Variants in CADM1 observed in about 807,000 individuals in gnomAD.
CADM1 encodes the protein TSLC-1.
A neutral mutation model predicts 53.1 loss-of-function variants in CADM1; 15 were observed. The ratio of observed to expected loss-of-function variants is 0.28; its 90% CI spans 0.19 to 0.44. CADM1 has a LOEUF of 0.44. Ranked by LOEUF, CADM1 falls within the 20% of genes least tolerant of loss-of-function variation. The probability of loss-of-function intolerance (pLI) is 1.00; values close to 1 mark genes in which losing one functional copy is unlikely to be tolerated. For synonymous variants in CADM1, 281 were observed against 243.0 expected, an observed-to-expected ratio of 1.16 and a Z score of -1.45; for missense variants, 434 against 611.3, an observed-to-expected ratio of 0.71 and a Z score of 3.06.
intron 1 of CADM1, among the ~76,000 whole-genome samples, chr11:115,376,081 G>T (rs932461594): frequency 1.3e-5 from 2 of 152,068 alleles, no homozygotes; most frequent in African/African-American, 4.8e-5. Flanking sequence ...AAGCCATGTT[G>T]CTTGGTGGTC....
chr11:115,441,860 C>CA (rs1179163217), intron 1 of CADM1, among the ~76,000 whole-genome samples: 1 of 151,910 alleles, frequency 6.6e-6, no homozygotes. Context: ...ATAGGAAAAA[C>CA]AAACAAGCAA....
chr11:115,462,965 T>C (rs1467140900), intron 1 of CADM1, among the ~76,000 whole-genome samples: 2 of 152,094 alleles, frequency 1.3e-5, no homozygotes, highest in African/African-American at 2.4e-5. Context: ...GGGAAGGGGA[T>C]GGTGACTGGG....
intron 10 of CADM1, 126 bp from the exon 11 acceptor site, chr11:115,178,901 G>A (rs566193769): frequency 5.3e-4 from 536 of 1,014,002 alleles, no homozygotes; most frequent in East Asian, 1.4e-3. Flanking sequence ...GAGAACAATC[G>A]AGATGGATCA....
At chr11:115,425,777 T>C (rs1295283379) in intron 1 of CADM1, among the ~76,000 whole-genome samples, 2 of 152,186 alleles carry the variant, frequency 1.3e-5, no homozygotes, top group African/African-American at 4.8e-5. Context: ...AAAGACAAAG[T>C]AAACCCTCTC....
intron 5 of CADM1, among the ~76,000 whole-genome samples, chr11:115,218,656 A>G (rs1193782481): frequency 1.3e-5 from 2 of 152,220 alleles, no homozygotes; most frequent in Admixed American, 6.5e-5. Flanking sequence ...GAAGTAGCTC[A>G]TCCAAGATCA....
chr11:115,501,058 TCCC>T (rs947918350), intron 1 of CADM1, among the ~76,000 whole-genome samples: 19 of 152,118 alleles, frequency 1.2e-4, no homozygotes, highest in Non-Finnish European at 2.9e-5. Flanking sequence ...GCTCTTTTAT[TCCC>T]CCCCTTTTTC....
At chr11:115,414,904 G>A (rs1042205720) in intron 1 of CADM1, among the ~76,000 whole-genome samples, 1 of 152,160 alleles carries the variant, frequency 6.6e-6, no homozygotes. Flanking sequence ...TCTATTTACT[G>A]TGAAATTCCG....
intron 1 of CADM1, among the ~76,000 whole-genome samples, chr11:115,301,860 G>A (rs1355506292): frequency 6.6e-6 from 1 of 152,076 alleles, no homozygotes; most frequent in Non-Finnish European, 1.5e-5. Flanking sequence ...GCTTATCACA[G>A]ATCATGAGGA....
At chr11:115,421,901 G>A (rs889460916) in intron 1 of CADM1, among the ~76,000 whole-genome samples, 3 of 152,080 alleles carry the variant, frequency 2.0e-5, no homozygotes, top group Non-Finnish European at 2.9e-5. Context: ...TAAATATTTC[G>A]GTACGATGAT....
chr11:115,214,537 TGA>T (rs1957029971), intron 7 of CADM1, 69 bp downstream of exon 7: 1 of 1,457,388 alleles, frequency 6.9e-7, no homozygotes, highest in South Asian at 1.1e-5. Context: ...CCAAAAGCTT[TGA>T]GAGTAAATCA....
chr11:115,473,685 A>T (rs1949065237), intron 1 of CADM1, among the ~76,000 whole-genome samples: 1 of 152,220 alleles, frequency 6.6e-6, no homozygotes, highest in Admixed American at 6.5e-5. Flanking sequence ...TACAAAAAGT[A>T]ACTCAAGATA....
At chr11:115,179,157 T>C in intron 10 of CADM1, 2 of 313,154 alleles carry the variant, frequency 6.4e-6, no homozygotes, top group Non-Finnish European at 6.3e-6. Flanking sequence ...ATGACACCTT[T>C]AGGCAACAGA....
chr11:115,454,198 G>A (rs1948637919), intron 1 of CADM1, among the ~76,000 whole-genome samples: 1 of 152,034 alleles, frequency 6.6e-6, no homozygotes, highest in South Asian at 2.1e-4. Flanking sequence ...AGCTCTTGCA[G>A]CATAAAAAAA....
At chr11:115,464,340 T>A (rs1220528984) in intron 1 of CADM1, among the ~76,000 whole-genome samples, 1 of 152,188 alleles carries the variant, frequency 6.6e-6, no homozygotes, top group African/African-American at 2.4e-5. Flanking sequence ...TACTGACAGG[T>A]CCTGAATCTT....
chr11:115,178,599 A>G (rs775652567), intron 11 of CADM1, 45 bp downstream of exon 11: 30 of 1,605,658 alleles, frequency 1.9e-5, no homozygotes, highest in African/African-American at 2.7e-5. Context: ...CCAAAGGCAG[A>G]AGCTGTGGGG....
chr11:115,267,494 C>T (rs899660936), intron 1 of CADM1, among the ~76,000 whole-genome samples: 1 of 152,072 alleles, frequency 6.6e-6, no homozygotes, highest in Non-Finnish European at 1.5e-5. Context: ...GAATGAAATG[C>T]CACTTAGGAA....
chr11:115,341,573 A>G (rs1198008798), intron 1 of CADM1, among the ~76,000 whole-genome samples: 2 of 152,210 alleles, frequency 1.3e-5, no homozygotes, highest in Admixed American at 1.3e-4. Flanking sequence ...ACAAAGAAGC[A>G]CTGTGTTTTT....
rs138158887 is a variant in CADM1, at chr11:115,402,564, A to C, written c.124+101707T>G. 3.2e-3 allele frequency among the ~76,000 whole-genome samples: 485 copies of C among 152,276 alleles called. 2 individuals are homozygous for C. Among genetic ancestry groups the C allele is most frequent in the African/African-American group, 0.011 (457 of 41,564 alleles). ...AAAACAAAACAAAAAAGCTTCTAAG[A>C]AATCTAAAAGAAAAATACCAGCATT... is the stretch of plus-strand genomic sequence containing the variant. On this transcript the variant is annotated intron_variant, in intron 1 of 11. Transcript: ENST00000331581.
At chr11:115,211,679 C>G (rs1382830856) in intron 7 of CADM1, among the ~76,000 whole-genome samples, 1 of 147,106 alleles carries the variant, frequency 6.8e-6, no homozygotes, top group African/African-American at 2.5e-5. Flanking sequence ...TTAGTAGAGA[C>G]GGGGTTTCAC....
Sources: gnomAD v4.1 joint callset for allele counts (sites outside exome capture counted in the v4.1 genomes callset) on GRCh38, gnomAD v4.1.1 for gene constraint, MANE v1.5 for transcripts, NCBI Gene and HGNC (gene_info 2026-07-23, HGNC 2026-07-21) for gene names.